GATA4: variants seen among roughly 807,000 people sequenced by gnomAD.
GATA4 encodes transcription factor GATA-4.
GATA4 carries 7 observed loss-of-function variants against 37.9 expected under a neutral mutation model. The observed-to-expected ratio is 0.18, with a 90% CI of 0.11 to 0.35. The LOEUF (loss-of-function observed/expected upper bound fraction) is 0.35, where lower values mean the gene tolerates loss of function less well. Ranked by LOEUF, GATA4 falls within the 10% of genes least tolerant of loss-of-function variation. The probability of loss-of-function intolerance (pLI) is 1.00; values close to 1 mark genes in which losing one functional copy is unlikely to be tolerated. For synonymous variants in GATA4, 372 were observed against 292.6 expected, an observed-to-expected ratio of 1.27 and a Z score of -2.77; for missense variants, 647 against 653.0, an observed-to-expected ratio of 0.99 and a Z score of 0.10.
intron 2 of GATA4, among the ~76,000 whole-genome samples, chr8:11,731,298 G>C (rs1179392447): frequency 6.6e-6 from 1 of 152,216 alleles, no homozygotes; most frequent in African/African-American, 2.4e-5. Context: ...TTGATTAAAA[G>C]AGAGAGACAC....
chr8:11,705,672 C>T (rs1268740434), intron 1 of GATA4, among the ~76,000 whole-genome samples: 1 of 152,210 alleles, frequency 6.6e-6, no homozygotes, highest in Non-Finnish European at 1.5e-5. Flanking sequence ...AGGCGTTTTC[C>T]AAGAGCAGCT....
chr8:11,681,023 G>C, intron 1 of GATA4: 19 of 941,264 alleles, frequency 2.0e-5, no homozygotes, highest in Non-Finnish European at 2.4e-5. Flanking sequence ...CCATACCCCA[G>C]GCTGCAAAGC....
At chr8:11,683,353 T>A (rs1799038623) in intron 1 of GATA4, among the ~76,000 whole-genome samples, 1 of 152,210 alleles carries the variant, frequency 6.6e-6, no homozygotes, top group South Asian at 2.1e-4. Flanking sequence ...CGTATTATGC[T>A]TGCTGATGCC....
At chr8:11,696,393 T>C (rs57208965) in intron 1 of GATA4, among the ~76,000 whole-genome samples, 5,057 of 150,546 alleles carry the variant, frequency 0.034, 230 homozygotes, top group African/African-American at 0.097. Flanking sequence ...AATATTCTTT[T>C]ACTTAGCTGA....
intron 2 of GATA4, among the ~76,000 whole-genome samples, chr8:11,745,378 A>G (rs900745699): frequency 1.4e-5 from 2 of 144,076 alleles, no homozygotes; most frequent in African/African-American, 2.7e-5. Context: ...GTTCAAGACC[A>G]GTCTGTACAA....
At position 11,755,029 on chromosome 8, in the gene GATA4, T is replaced by C; in HGVS notation, c.913-17T>C. On this transcript the variant is annotated splice_polypyrimidine_tract_variant and intron_variant, in intron 4 of 6. Coordinates refer to ENST00000532059, the MANE Select transcript of GATA4 (RefSeq NM_001308093.3). ...GCAGAAATGGAAAACCCTATATATT[T>C]ACTTGTGACCCTCCAGGTCCCCAGG... The C allele has an allele frequency of 6.2e-7, 1 of 1,604,872 alleles. No individual in the cohort carries two copies. The highest frequency in any genetic ancestry group is 8.5e-7 in the Non-Finnish European group (1 of 1,171,792).
intron 2 of GATA4, among the ~76,000 whole-genome samples, chr8:11,742,815 C>T (rs181118060): frequency 1.8e-3 from 276 of 152,348 alleles, no homozygotes; most frequent in Admixed American, 4.7e-3. Flanking sequence ...CCGGGCCTGT[C>T]GGGAAATCCA....
At chr8:11,756,057 C>G (rs1159989203) in intron 5 of GATA4, among the ~76,000 whole-genome samples, 1 of 151,800 alleles carries the variant, frequency 6.6e-6, no homozygotes, top group Non-Finnish European at 1.5e-5. Context: ...AACGGCTGTT[C>G]TTTAATACGT....
chr8:11,738,053 T>A (rs1801544292), intron 2 of GATA4, among the ~76,000 whole-genome samples: 1 of 151,860 alleles, frequency 6.6e-6, no homozygotes, highest in African/African-American at 2.4e-5. Context: ...TGATGGTATA[T>A]ACCTGTAATC....
At chr8:11,695,386 C>G (rs1488668847) in intron 1 of GATA4, among the ~76,000 whole-genome samples, 2 of 151,796 alleles carry the variant, frequency 1.3e-5, no homozygotes, top group Admixed American at 6.6e-5. Context: ...AGCCTGGGCA[C>G]CAAGAGTGAA....
upstream of GATA4, chr8:11,691,883 G>T (rs937235454): frequency 2.1e-5 from 6 of 280,844 alleles, no homozygotes; most frequent in Non-Finnish European, 3.2e-5. Context: ...ACCTTTCCCA[G>T]TCCAGGGCTA....
intron 2 of GATA4, among the ~76,000 whole-genome samples, chr8:11,714,416 G>T (rs1354256028): frequency 1.3e-5 from 2 of 152,186 alleles, no homozygotes; most frequent in African/African-American, 4.8e-5. Context: ...GATCTTTTGG[G>T]ACCTGCTTAT....
At chr8:11,730,604 T>C (rs573022986) in intron 2 of GATA4, among the ~76,000 whole-genome samples, 17 of 152,292 alleles carry the variant, frequency 1.1e-4, no homozygotes, top group African/African-American at 3.4e-4. Context: ...GGATGGCTCC[T>C]GGGTGTTCAG....
At chr8:11,689,053 T>A (rs1344014782), upstream of GATA4, among the ~76,000 whole-genome samples, 2 of 152,140 alleles carry the variant, frequency 1.3e-5, no homozygotes, top group Non-Finnish European at 2.9e-5. Context: ...TCAATATAAA[T>A]AACAAAGCAG....
chr8:11,738,585 C>G (rs1360358102), intron 2 of GATA4, among the ~76,000 whole-genome samples: 2 of 152,204 alleles, frequency 1.3e-5, no homozygotes, highest in African/African-American at 2.4e-5. Flanking sequence ...TATGGAAGGA[C>G]ATGCCATAGT....
chr8:11,742,356 C>T (rs566149579), intron 2 of GATA4, among the ~76,000 whole-genome samples: 29 of 151,834 alleles, frequency 1.9e-4, no homozygotes, highest in African/African-American at 6.5e-4. Context: ...ACGTTCCCCC[C>T]TCCCTCCGTT....
At chr8:11,690,121 G>T (rs886915563), upstream of GATA4, among the ~76,000 whole-genome samples, 3 of 152,238 alleles carry the variant, frequency 2.0e-5, no homozygotes. Flanking sequence ...ACGGGCCAAA[G>T]GTACCTGGTG....
Position 11,708,710 on chromosome 8 carries a change from G to T in GATA4, c.398G>T (p.Ser133Ile), listed in dbSNP as rs1800015978. ...AAAAREAAAY[S>I]SGGGAAGAGL... ...GCGGCCCGGGAAGCTGCGGCCTACA[G>T]CAGTGGCGGCGGAGCGGCGGGTGCG... Residue 133 changes from serine (S) to isoleucine (I), a missense_variant, in exon 2 of 7, where the codon AGC becomes ATC. Physicochemically the swap from Ser to Ile is moderately radical, Grantham distance 142 (BLOSUM62 -2). Coordinates refer to ENST00000532059, the MANE Select transcript of GATA4 (RefSeq NM_001308093.3). This position sits in a 1 kb window ranked among gnomAD's most constrained non-coding sequence, Gnocchi z 6.7. The T allele has an allele frequency of 7.9e-7, 1 of 1,272,354 alleles. No homozygotes were observed. 78.8% of individuals were successfully genotyped at this position (1,272,354 alleles called of 1,614,324 possible). A position where few individuals can be genotyped will look rare whatever the true frequency, so the allele number is the denominator to read the frequency against.
chr8:11,680,502 C>T, intron 1 of GATA4: 5 of 985,486 alleles, frequency 5.1e-6, no homozygotes, highest in Non-Finnish European at 6.0e-6. Flanking sequence ...AATCTGGCGC[C>T]ACATGGGCCA....
Sources: allele counts gnomAD v4.1 joint callset (sites outside exome capture counted in the v4.1 genomes callset), GRCh38; gene constraint gnomAD v4.1.1; non-coding constraint Gnocchi (gnomAD v3.1); transcripts MANE v1.5; gene names NCBI Gene and HGNC (gene_info 2026-07-23, HGNC 2026-07-21).